ZNF142: variants seen among roughly 807,000 people sequenced by gnomAD.
The protein encoded by ZNF142 is zinc finger protein 142.
In ZNF142, 96 loss-of-function variants were observed where a neutral mutation model predicts 132.1. The ratio of observed to expected loss-of-function variants is 0.73; its 90% CI spans 0.62 to 0.86. The LOEUF is 0.86. Ranked by LOEUF, ZNF142 falls within the 40% of genes least tolerant of loss-of-function variation. The pLI is 0.00. For synonymous variants in ZNF142, 842 were observed against 890.1 expected, an observed-to-expected ratio of 0.95 and a Z score of 0.96; for missense variants, 2,163 against 2,336.2, an observed-to-expected ratio of 0.93 and a Z score of 1.53.
chr2:218,656,760 G>A (rs746064011), intron 3 of ZNF142, among the ~76,000 whole-genome samples: 5 of 151,938 alleles, frequency 3.3e-5, no homozygotes, highest in South Asian at 2.1e-4. Context: ...AAGCAATTTG[G>A]GTCTCAGATT....
rs1159968330 is a variant in ZNF142 at position 218,642,403 on chromosome 2, C to T, written c.4713G>A (p.Glu1571=). 1.9e-6 allele frequency: 3 copies of T among 1,613,010 alleles called. No homozygotes were observed. In the East Asian group the frequency reaches 6.7e-5, roughly 36 times the overall value. The change falls in exon 9 of 11, where the codon GAG becomes GAA. Residue 1571 remains glutamate, a synonymous_variant. Coordinates refer to ENST00000411696, the MANE Select transcript of ZNF142 (RefSeq NM_001379659.1). The surrounding 1 kb of genome is among the most constrained non-coding windows in gnomAD (Gnocchi z 4.6). ...GGCTGAAATGCTGCTGCCTCCGGTG[C>T]TCATCCAGAGCCAGTCGGCTAGGGA... is the stretch of plus-strand genomic sequence containing the variant. The part of the protein sequence containing the change: ...EAFPSRLALD[E]HRRQQHFSHR...
At position 218,640,674 on chromosome 2, in the gene ZNF142, G is replaced by C; in HGVS notation, c.5184C>G (p.Thr1728=). The stretch of plus-strand genomic sequence containing the variant: ...ACCACACAGACTCACCTGTATGCTT[G>C]GTCATGTGGTATTTCAGCTGGTTGA... ...KWVNQLKYHM[T]KHTGLKPYQC... The change falls in exon 10 of 11, where the codon ACC becomes ACG. Residue 1728 remains threonine, a synonymous_variant. Coordinates refer to ENST00000411696, the MANE Select transcript of ZNF142 (RefSeq NM_001379659.1). The C allele has an allele frequency of 2.5e-6, 4 of 1,614,108 alleles. No homozygotes were observed. The highest frequency in any genetic ancestry group is 3.4e-6 in the Non-Finnish European group (4 of 1,179,976).
At position 218,649,132 on chromosome 2, in the gene ZNF142, C is replaced by A; in HGVS notation, c.1376G>T (p.Arg459Leu). ...YSDTYACPVC[R>L]EEFRLSQALK... ...GGCCTGGCTGAGGCGGAATTCCTCA[C>A]GGCAGACAGGACAGGCATAGGTGTC... The change falls in exon 7 of 11, where the codon CGT becomes CTT. Residue 459 changes from arginine (R) to leucine (L), a missense_variant. Coordinates refer to ENST00000411696, the MANE Select transcript of ZNF142 (RefSeq NM_001379659.1). The A allele has an allele frequency of 6.2e-7, 1 of 1,614,100 alleles. No individual in the cohort carries two copies. Among genetic ancestry groups the A allele is most frequent in the Non-Finnish European group, 8.5e-7 (1 of 1,180,048 alleles).
At chr2:218,645,502 C>A (rs897017651) in intron 8 of ZNF142, among the ~76,000 whole-genome samples, 1 of 152,202 alleles carries the variant, frequency 6.6e-6, no homozygotes, top group Non-Finnish European at 1.5e-5. Context: ...GCCAGCTGTG[C>A]CATAGGTCAG....
chr2:218,651,734 C>T lies in ZNF142; in HGVS notation c.847G>A (p.Val283Ile), dbSNP rs537511344. The T allele has an allele frequency of 9.2e-5, 118 of 1,288,996 alleles. 2 individuals are homozygous for T. In the South Asian group the frequency reaches 1.1e-3, roughly 12 times the overall value. The allele number at this position is 1,288,996 out of a possible 1,614,324, so 79.8% of individuals were successfully genotyped here. The change falls in exon 5 of 11, where the codon GTT (valine) becomes ATT (isoleucine). Residue 283 changes from valine to isoleucine, a missense_variant. By Grantham distance (29) the Val-to-Ile change is conservative (BLOSUM62 3). Coordinates refer to ENST00000411696, the MANE Select transcript of ZNF142 (RefSeq NM_001379659.1). ...GAGTQGELSA[V>I]QGLPSQELLP... ...AGCTCCTGGGATGGAAGGCCCTGAA[C>T]GGCAGAAAGTTCTCCCTGTGTCCCA...
At chr2:218,654,970 C>T (rs1938352895) in intron 4 of ZNF142, among the ~76,000 whole-genome samples, 1 of 151,942 alleles carries the variant, frequency 6.6e-6, no homozygotes, top group African/African-American at 2.4e-5. Context: ...ACACCTGTGG[C>T]CCCAGCTACA....
chr2:218,643,624 G>T lies in ZNF142; in HGVS notation c.3492C>A (p.Val1164=), dbSNP rs1417863966. 3 of 1,555,998 alleles carry T rather than the reference G, an allele frequency of 1.9e-6. No homozygotes were observed. Among genetic ancestry groups the T allele is most frequent in the Non-Finnish European group, 2.6e-6 (3 of 1,153,334 alleles). The change falls in exon 9 of 11, where the codon GTC becomes GTA. Residue 1164 remains valine, a synonymous_variant. Transcript: ENST00000411696. ...TGGGCAAGGAGTTTCCTGCAGGAGG[G>T]ACTGGGGAACCAGAGACTGTGGCAA... ...EPLATVSGSP[V]PPAGNSLPTE...
Position 218,643,961 on chromosome 2 carries a change from T to C in ZNF142, c.3155A>G (p.Asn1052Ser), listed in dbSNP as rs566955754. ...PFITRREKAL[N>S]LHSRTGCQGR... Reference sequence around the variant, plus strand: ...TTGGCACCCAGTCCTGGAGTGCAGATTCAGGGCCTTCTCCCGGCGAGTGAT... The same window carrying C: ...TTGGCACCCAGTCCTGGAGTGCAGACTCAGGGCCTTCTCCCGGCGAGTGAT... Residue 1052 changes from asparagine to serine, a missense_variant, in exon 9 of 11, where the codon AAT (asparagine) becomes AGT (serine). Asn to Ser is a conservative substitution (Grantham distance 46). Transcript: ENST00000411696. The C allele has an allele frequency of 1.9e-6, 3 of 1,614,104 alleles. No homozygotes were observed. The highest frequency in any genetic ancestry group is 1.1e-5 in the South Asian group (1 of 91,084).
intron 7 of ZNF142, among the ~76,000 whole-genome samples, chr2:218,646,710 G>A (rs1002879684): frequency 2.6e-5 from 4 of 152,038 alleles, no homozygotes; most frequent in Non-Finnish European, 4.4e-5. Context: ...TTAGCCTCTC[G>A]AGTAGCTGGG....
intron 4 of ZNF142, among the ~76,000 whole-genome samples, chr2:218,655,299 C>T (rs550541751): frequency 6.6e-6 from 1 of 152,042 alleles, no homozygotes; most frequent in African/African-American, 2.4e-5. Flanking sequence ...GCTAATCTTT[C>T]CCAATATTCT....
Position 218,658,979 on chromosome 2 carries a change from C to G in ZNF142, c.-211+1G>C, listed in dbSNP as rs1938961654. On this transcript the variant is annotated splice_donor_variant, in intron 2 of 10. Coordinates refer to ENST00000411696, the MANE Select transcript of ZNF142 (RefSeq NM_001379659.1). LOFTEE classifies it low-confidence loss of function (5UTR_SPLICE). ...CCCACCTGCCTCTGGCTCTGACTCACCGCGTGGTCTTGGACAGACACAGTC... is the reference window on the plus strand; with the variant it reads ...CCCACCTGCCTCTGGCTCTGACTCAGCGCGTGGTCTTGGACAGACACAGTC... 1.3e-5 allele frequency: 2 copies of G among 152,368 alleles called. No individual in the cohort carries two copies. The highest frequency in any genetic ancestry group is 1.3e-4 in the Admixed American group (2 of 15,284). 9.4% of individuals were successfully genotyped at this position (152,368 alleles called of 1,614,324 possible). A position where few individuals can be genotyped will look rare whatever the true frequency, so the allele number is the denominator to read the frequency against.
Position 218,636,370 on chromosome 2 carries a change from G to A in ZNF142, c.*1969C>T, listed in dbSNP as rs1342549333. The A allele has an allele frequency of 1.2e-6, 2 of 1,614,016 alleles. No homozygotes were observed. ...ATGACTTTATTGGTCAGTACACCCTGCCTTGGACCTGCATGCAACAAGGTG... is the reference window on the plus strand; with the variant it reads ...ATGACTTTATTGGTCAGTACACCCTACCTTGGACCTGCATGCAACAAGGTG... On this transcript the variant is annotated 3_prime_UTR_variant, in exon 11 of 11. Transcript: ENST00000411696.
At position 218,648,708 on chromosome 2, in the gene ZNF142, G is replaced by T; in HGVS notation, c.1800C>A (p.Ile600=). The T allele has an allele frequency of 6.2e-7, 1 of 1,614,242 alleles. No homozygotes were observed. The highest frequency in any genetic ancestry group is 8.5e-7 in the Non-Finnish European group (1 of 1,180,042). ...HVGKMHAHEK[I]HQCPECNFAT... ...CAAAGTTGCACTCAGGACACTGGTG[G>T]ATCTTTTCATGAGCATGCATCTTGC... Residue 600 remains isoleucine (I), a synonymous_variant, in exon 7 of 11, where the codon ATC becomes ATA. Coordinates refer to ENST00000411696, the MANE Select transcript of ZNF142 (RefSeq NM_001379659.1).
chr2:218,646,490 C>A (rs1470170123), intron 7 of ZNF142, 142 bp from the exon 8 acceptor site: 3 of 930,176 alleles, frequency 3.2e-6, no homozygotes, highest in Non-Finnish European at 4.7e-6. Context: ...GAAAACCTCA[C>A]AATAATAAAG....
chr2:218,644,987 T>C lies in ZNF142; in HGVS notation c.2129A>G (p.Lys710Arg), dbSNP rs1474781911. 4 of 1,613,992 alleles carry C rather than the reference T, an allele frequency of 2.5e-6. No individual in the cohort carries two copies. Among genetic ancestry groups the C allele is most frequent in the Admixed American group, 3.3e-5 (2 of 59,998 alleles). ...LSSHKLRHQG[K>R]SLMCEVCAFA... ...GGCACACACCTCACACATCAGAGACTTGCCCTGATGCCGCAGCTTGTGGCT... is the reference window on the plus strand; with the variant it reads ...GGCACACACCTCACACATCAGAGACCTGCCCTGATGCCGCAGCTTGTGGCT... The change falls in exon 9 of 11, where the codon AAG (lysine) becomes AGG (arginine). Residue 710 changes from lysine to arginine, a missense_variant. Around this residue, in one of 7 missense-constraint regions of ZNF142, gnomAD observed 749 missense variants for 830.3 expected, o/e 0.90. Transcript: ENST00000411696. The surrounding 1 kb of genome is among the most constrained non-coding windows in gnomAD (Gnocchi z 4.6).
In ZNF142 at chr2:218,652,245, G is replaced by A. The variant is rs187903453; in HGVS notation, c.336C>T (p.Phe112=). ...VYFCERCEQS[F]AEPTLLALHQ... is the part of the protein sequence containing the mutation. ...GCAGGGCCAGCAGAGTGGGCTCTGC[G>A]AAGCTCTGTTCACAGCGCTCACAGA... is the stretch of plus-strand genomic sequence containing the variant. Residue 112 remains phenylalanine, a synonymous_variant, in exon 5 of 11, where the codon TTC becomes TTT. Coordinates refer to ENST00000411696, the MANE Select transcript of ZNF142 (RefSeq NM_001379659.1). 2.1e-3 allele frequency: 954 copies of A among 456,896 alleles called. 3 individuals are homozygous for A. The highest frequency in any genetic ancestry group is 2.8e-3 in the Non-Finnish European group (629 of 227,014). 28.3% of individuals were successfully genotyped at this position (456,896 alleles called of 1,614,324 possible).
Position 218,644,670 on chromosome 2 carries a change from C to A in ZNF142, c.2446G>T (p.Gly816Trp). ...QLRYASQEPE[G>W]AMQGPTPPPD... The stretch of plus-strand genomic sequence containing the variant: ...GGGGGTGTTGGGCCCTGCATGGCCC[C>A]TTCTGGCTCCTGGCTTGCATAGCGG... The change falls in exon 9 of 11, where the codon GGG becomes TGG. Residue 816 changes from glycine to tryptophan, a missense_variant. Coordinates refer to ENST00000411696, the MANE Select transcript of ZNF142 (RefSeq NM_001379659.1). The surrounding 1 kb of genome is among the most constrained non-coding windows in gnomAD (Gnocchi z 4.6). 6.2e-7 allele frequency: 1 copy of A among 1,614,234 alleles called. No homozygotes were observed. Among genetic ancestry groups the A allele is most frequent in the African/African-American group, 1.3e-5 (1 of 75,068 alleles).
Position 218,644,851 on chromosome 2 carries a change from G to A in ZNF142, c.2265C>T (p.His755=), listed in dbSNP as rs1188235616. 1 of 1,614,128 alleles carries A rather than the reference G, an allele frequency of 6.2e-7. No homozygotes were observed. The highest frequency in any genetic ancestry group is 1.1e-5 in the South Asian group (1 of 91,092). ...TCTCATGGCTCAGCACAGCCTGCTT[G>A]TGGCGGCTCTGGTAACTGCAGTAGT... The part of the protein sequence containing the change: ...PCHYCSYQSR[H]KQAVLSHENC... The change falls in exon 9 of 11, where the codon CAC becomes CAT. Residue 755 remains histidine (H), a synonymous_variant. Coordinates refer to ENST00000411696, the MANE Select transcript of ZNF142 (RefSeq NM_001379659.1). This position sits in a 1 kb window ranked among gnomAD's most constrained non-coding sequence, Gnocchi z 4.6.
At chr2:218,654,623 C>T (rs1011834451) in intron 4 of ZNF142, among the ~76,000 whole-genome samples, 4 of 152,080 alleles carry the variant, frequency 2.6e-5, no homozygotes, top group African/African-American at 9.7e-5. Flanking sequence ...TCTCGGCCTC[C>T]CAAAGTGCTA....
Sources: gnomAD v4.1 joint callset for allele counts (sites outside exome capture counted in the v4.1 genomes callset) on GRCh38, gnomAD v4.1.1 for gene constraint, gnomAD v4.1.1 regional missense constraint, Gnocchi (gnomAD v3.1) non-coding constraint, MANE v1.5 for transcripts, NCBI Gene and HGNC (gene_info 2026-07-23, HGNC 2026-07-21) for gene names.